The following TMEM232 variants were observed in gnomAD, a reference collection of about 807,000 sequenced individuals.
TMEM232 encodes transmembrane protein 232.
Under a neutral mutation model 78.8 loss-of-function variants are expected in TMEM232, and 80 were observed. The observed-to-expected ratio is 1.01, with a 90% CI of 0.85 to 1.22. TMEM232 has a LOEUF of 1.22. TMEM232 is among the 50% of genes most tolerant of loss of function. The pLI is 0.00. For missense variants in TMEM232, 881 were observed against 742.2 expected (o/e 1.19, Z -2.17); for synonymous variants, 297 against 254.3 (o/e 1.17, Z -1.60).
intron 11 of TMEM232, among the ~76,000 whole-genome samples, chr5:110,565,534 C>G (rs1003446342): frequency 1.3e-5 from 2 of 151,968 alleles, no homozygotes; most frequent in Non-Finnish European, 2.9e-5. Flanking sequence ...CCTTGGCATA[C>G]AGTTTTCAAA....
chr5:110,487,863 C>T (rs1465942392), intron 12 of TMEM232, among the ~76,000 whole-genome samples: 2 of 151,838 alleles, frequency 1.3e-5, no homozygotes, highest in African/African-American at 4.8e-5. Flanking sequence ...TGTGGAATAG[C>T]GTCAAAAGGA....
chr5:110,624,616 A>C (rs1002282513), intron 7 of TMEM232, among the ~76,000 whole-genome samples: 1 of 152,098 alleles, frequency 6.6e-6, no homozygotes, highest in Non-Finnish European at 1.5e-5. Context: ...TTATAACCAG[A>C]AGGCTCAATT....
At position 110,484,602 on chromosome 5, in the gene TMEM232, T is replaced by C. The variant is rs1764258780; in HGVS notation, c.1703+43986A>G. Among the ~76,000 whole-genome samples, 3 of 151,936 alleles carry C rather than the reference T, an allele frequency of 2.0e-5. No homozygotes were observed. The South Asian group carries it at 6.2e-4, about 31-fold the overall frequency. ...CACACTGTAGATTGAAAGACACATA[T>C]AGGCCGAAAGTAAAAAGATAAAATA... On this transcript the variant is annotated intron_variant, in intron 12 of 13. Coordinates refer to ENST00000455884, the MANE Select transcript of TMEM232 (RefSeq NM_001039763.4).
intron 2 of TMEM232, among the ~76,000 whole-genome samples, chr5:110,649,825 T>C (rs1030755399): frequency 6.6e-6 from 1 of 152,094 alleles, no homozygotes; most frequent in African/African-American, 2.4e-5. Context: ...AAAAAATCAA[T>C]GTATGGCAAT....
chr5:110,588,688 A>T (rs953424528), intron 10 of TMEM232, among the ~76,000 whole-genome samples: 17 of 152,142 alleles, frequency 1.1e-4, no homozygotes, highest in African/African-American at 4.1e-4. Context: ...ATTTCATTGT[A>T]GTGTAAGGAC....
chr5:110,437,339 A>C (rs1758550210), intron 12 of TMEM232, among the ~76,000 whole-genome samples: 1 of 152,050 alleles, frequency 6.6e-6, no homozygotes, highest in African/African-American at 2.4e-5. Context: ...ATAGAAAAAA[A>C]CATACAGTGT....
intron 11 of TMEM232, among the ~76,000 whole-genome samples, chr5:110,529,773 G>T (rs1771155807): frequency 6.6e-6 from 1 of 152,028 alleles, no homozygotes; most frequent in Non-Finnish European, 1.5e-5. Flanking sequence ...GTCCAGGATT[G>T]CTTCTTCTTT....
intron 10 of TMEM232, among the ~76,000 whole-genome samples, chr5:110,577,868 T>TTGGAGGG: frequency 6.6e-6 from 1 of 151,726 alleles, no homozygotes; most frequent in Non-Finnish European, 1.5e-5. Context: ...TGGGGCCTTT[T>TTGGAGGG]TGGAGGGTGG....
Position 110,625,322 on chromosome 5 carries a change from G to T in TMEM232, c.713C>A (p.Ser238Tyr). ...IIGKRELRSE[S>Y]IFRPVEDKKR... Reference sequence around the variant, plus strand: ...CTTATCTTCCACAGGTCTAAAAATGGATTCAGAACGGAGTTCTCTTTTACC... The same window carrying T: ...CTTATCTTCCACAGGTCTAAAAATGTATTCAGAACGGAGTTCTCTTTTACC... Residue 238 changes from serine (S) to tyrosine (Y), a missense_variant, in exon 7 of 14, where the codon TCC (serine) becomes TAC (tyrosine). Physicochemically the swap from Ser to Tyr is moderately radical, Grantham distance 144 (BLOSUM62 -2). Coordinates refer to ENST00000455884, the MANE Select transcript of TMEM232 (RefSeq NM_001039763.4). 1.3e-6 allele frequency: 2 copies of T among 1,545,346 alleles called. No individual in the cohort carries two copies. The highest frequency in any genetic ancestry group is 1.7e-6 in the Non-Finnish European group (2 of 1,143,884).
At chr5:110,636,437 A>G (rs1350083293) in intron 5 of TMEM232, among the ~76,000 whole-genome samples, 1 of 152,054 alleles carries the variant, frequency 6.6e-6, no homozygotes, top group African/African-American at 2.4e-5. Flanking sequence ...TAGAAATAAT[A>G]AATACTCAAA....
intron 11 of TMEM232, among the ~76,000 whole-genome samples, chr5:110,534,074 C>A (rs1771954033): frequency 6.6e-6 from 1 of 152,142 alleles, no homozygotes; most frequent in Non-Finnish European, 1.5e-5. Flanking sequence ...ACTCAACATG[C>A]CCCAAGTCAG....
intron 12 of TMEM232, among the ~76,000 whole-genome samples, chr5:110,499,847 A>G (rs1265809021): frequency 1.3e-5 from 2 of 152,172 alleles, no homozygotes; most frequent in Non-Finnish European, 2.9e-5. Flanking sequence ...ATTTTAAAAT[A>G]TAGTCAATAT....
intron 2 of TMEM232, among the ~76,000 whole-genome samples, chr5:110,412,130 T>C (rs761709724): frequency 1.3e-5 from 2 of 152,104 alleles, no homozygotes; most frequent in South Asian, 2.1e-4. Context: ...TTCAAGGATA[T>C]TAGTGTATAG....
intron 1 of TMEM232, among the ~76,000 whole-genome samples, chr5:110,675,275 C>T (rs529863715): frequency 1.3e-5 from 2 of 151,992 alleles, no homozygotes; most frequent in Admixed American, 1.3e-4. Context: ...GACCTCTTGA[C>T]CTCAAGTGAT....
intron 12 of TMEM232, among the ~76,000 whole-genome samples, chr5:110,489,288 T>C (rs1354114908): frequency 6.6e-6 from 1 of 151,780 alleles, no homozygotes; most frequent in East Asian, 1.9e-4. Context: ...GCAAACCAAA[T>C]CTGGCAACAT....
intron 1 of TMEM232, among the ~76,000 whole-genome samples, chr5:110,726,108 T>A (rs1232080876): frequency 2.1e-5 from 3 of 144,550 alleles, no homozygotes; most frequent in African/African-American, 5.1e-5. Context: ...CCTCTCTCTT[T>A]CACACACACA....
intron 12 of TMEM232, among the ~76,000 whole-genome samples, chr5:110,455,264 G>C (rs2149343717): frequency 6.6e-6 from 1 of 152,154 alleles, no homozygotes; most frequent in South Asian, 2.1e-4. Context: ...CTCCATGAAA[G>C]TAACATTTCG....
rs1355944123 is a variant in TMEM232, at chr5:110,560,538, G to A, written c.1455+7909C>T. 3.9e-5 allele frequency among the ~76,000 whole-genome samples: 6 copies of A among 151,918 alleles called. No homozygotes were observed. In the East Asian group the frequency reaches 1.2e-3, roughly 29 times the overall value. On this transcript the variant is annotated intron_variant, in intron 11 of 13. Coordinates refer to ENST00000455884, the MANE Select transcript of TMEM232 (RefSeq NM_001039763.4). The stretch of plus-strand genomic sequence containing the variant: ...GAGCAATAGCAACAAAAGTAGTGTT[G>A]ACTAATCATTAAAGAAAGAAGTTAT...
intron 1 of TMEM232, among the ~76,000 whole-genome samples, chr5:110,671,863 C>A (rs576567236): frequency 6.3e-4 from 96 of 152,244 alleles, no homozygotes; most frequent in Non-Finnish European, 1.1e-3. Context: ...CTTGCATGAT[C>A]TGCACATGTA....
Sources: allele counts gnomAD v4.1 joint callset (sites outside exome capture counted in the v4.1 genomes callset), GRCh38; gene constraint gnomAD v4.1.1; transcripts MANE v1.5; gene names NCBI Gene and HGNC (gene_info 2026-07-23, HGNC 2026-07-21).